The following GPC6 variants were observed in gnomAD, a reference collection of about 807,000 sequenced individuals.
The protein encoded by GPC6 is glypican-6.
In GPC6, 14 loss-of-function variants were observed where a neutral mutation model predicts 55.2. The ratio of observed to expected loss-of-function variants is 0.25; its 90% confidence interval spans 0.17 to 0.40. The LOEUF is 0.40. Among genes scored for constraint, GPC6 ranks in the 10% least tolerant of loss-of-function variants. The pLI, the probability that GPC6 is intolerant of heterozygous loss-of-function variation, is 1.00. For missense variants in GPC6, 641 were observed against 708.5 expected, an observed-to-expected ratio of 0.90 and a Z score of 1.08; for synonymous variants, 278 against 259.6, an observed-to-expected ratio of 1.07 and a Z score of -0.68.
chr13:94,135,509 A>C (rs747051763), intron 4 of GPC6, among the ~76,000 whole-genome samples: 15 of 152,226 alleles, frequency 9.9e-5, no homozygotes, highest in Non-Finnish European at 4.4e-5. Flanking sequence ...GCATTTATTG[A>C]GAGCCAAATG....
At chr13:94,067,246 A>G (rs1423839215) in intron 4 of GPC6, among the ~76,000 whole-genome samples, 1 of 152,190 alleles carries the variant, frequency 6.6e-6, no homozygotes, top group Non-Finnish European at 1.5e-5. Context: ...TGAAGCTTGA[A>G]TAACTTATTC....
chr13:94,189,485 C>T (rs2138959839), intron 4 of GPC6, among the ~76,000 whole-genome samples: 1 of 152,198 alleles, frequency 6.6e-6, no homozygotes. Flanking sequence ...ATAAAGATTG[C>T]AAGATGGACG....
chr13:93,886,762 T>C, intron 3 of GPC6, among the ~76,000 whole-genome samples: 1 of 118,702 alleles, frequency 8.4e-6, no homozygotes, highest in Admixed American at 9.5e-5. Flanking sequence ...TTTTTTTTGT[T>C]TTTTTTTTTT....
intron 4 of GPC6, among the ~76,000 whole-genome samples, chr13:94,087,363 A>T (rs1366947535): frequency 1.3e-5 from 2 of 152,238 alleles, no homozygotes; most frequent in African/African-American, 4.8e-5. Flanking sequence ...CTAAGGTGTA[A>T]AATGAAAGCT....
At chr13:94,089,641 A>G (rs1469479924) in intron 4 of GPC6, among the ~76,000 whole-genome samples, 1 of 152,132 alleles carries the variant, frequency 6.6e-6, no homozygotes, top group Non-Finnish European at 1.5e-5. Context: ...AATGCACACA[A>G]ATGTGAGAAA....
chr13:93,410,828 A>T (rs968049108), intron 1 of GPC6, among the ~76,000 whole-genome samples: 4 of 152,160 alleles, frequency 2.6e-5, no homozygotes, highest in African/African-American at 9.7e-5. Flanking sequence ...GTCTCGCTAG[A>T]GGGACTGTCA....
chr13:93,411,468 A>G (rs1017587757), intron 1 of GPC6, among the ~76,000 whole-genome samples: 2 of 152,172 alleles, frequency 1.3e-5, no homozygotes, highest in Non-Finnish European at 2.9e-5. Context: ...TTGAGAAAGA[A>G]CCACTTAGTG....
chr13:94,269,559 C>G (rs951003236), intron 4 of GPC6, among the ~76,000 whole-genome samples: 1 of 152,172 alleles, frequency 6.6e-6, no homozygotes, highest in Non-Finnish European at 1.5e-5. Flanking sequence ...TCAGCTACCC[C>G]GGTGCACATT....
intron 1 of GPC6, among the ~76,000 whole-genome samples, chr13:93,531,041 G>A (rs1363899989): frequency 6.6e-6 from 1 of 152,026 alleles, no homozygotes; most frequent in African/African-American, 2.4e-5. Flanking sequence ...ATACTGAAAA[G>A]GGAATAAAAA....
At chr13:93,620,567 T>C (rs1878908330) in intron 2 of GPC6, among the ~76,000 whole-genome samples, 1 of 152,238 alleles carries the variant, frequency 6.6e-6, no homozygotes. Context: ...TTCTTATTTA[T>C]ACCGAAGATG....
intron 1 of GPC6, among the ~76,000 whole-genome samples, chr13:93,313,534 T>C (rs986167447): frequency 6.6e-6 from 1 of 152,182 alleles, no homozygotes; most frequent in Non-Finnish European, 1.5e-5. Flanking sequence ...GAATAATTAA[T>C]ATGTCTAGAC....
intron 3 of GPC6, among the ~76,000 whole-genome samples, chr13:94,011,330 T>TA (rs1882238169): frequency 6.6e-6 from 1 of 152,178 alleles, no homozygotes. Flanking sequence ...CTTCTGAAAC[T>TA]AAAAAATTAT....
At chr13:93,258,066 G>A (rs892262666) in intron 1 of GPC6, among the ~76,000 whole-genome samples, 1 of 151,984 alleles carries the variant, frequency 6.6e-6, no homozygotes. Context: ...GTCATTACTC[G>A]GGCTGTTTGC....
At chr13:93,969,191 AGGGATTGATATCAACT>A (rs1402106822) in intron 3 of GPC6, among the ~76,000 whole-genome samples, 1 of 152,220 alleles carries the variant, frequency 6.6e-6, no homozygotes, top group East Asian at 1.9e-4. Flanking sequence ...GTAGTTTAAA[AGGGATTGATATCAACT>A]GTGGTTTGAT....
intron 4 of GPC6, among the ~76,000 whole-genome samples, chr13:94,233,858 A>G (rs910261793): frequency 6.6e-6 from 1 of 152,156 alleles, no homozygotes; most frequent in African/African-American, 2.4e-5. Flanking sequence ...ATATGTACAG[A>G]AAAAAACATA....
Position 93,749,919 on chromosome 13 carries a change from T to TG in GPC6, c.320-80231dup, listed in dbSNP as rs548675808. ...CTGGGCATTTATAAATACCATTTAT[T>TG]GGGGTATTCTAACTTCCTGGACAGC... On this transcript the variant is annotated intron_variant, in intron 2 of 8. Transcript: ENST00000377047. 2.9e-3 allele frequency among the ~76,000 whole-genome samples: 443 copies of TG among 152,284 alleles called. 1 individual carries two copies. The highest frequency in any genetic ancestry group is 0.01 in the African/African-American group (418 of 41,586).
intron 3 of GPC6, among the ~76,000 whole-genome samples, chr13:94,021,077 G>A (rs1042362155): frequency 6.6e-6 from 1 of 151,918 alleles, no homozygotes; most frequent in Non-Finnish European, 1.5e-5. Flanking sequence ...CTGTACATTA[G>A]AAACTGTGGA....
intron 3 of GPC6, among the ~76,000 whole-genome samples, chr13:94,007,023 G>A (rs1882049596): frequency 6.6e-6 from 1 of 152,146 alleles, no homozygotes; most frequent in Non-Finnish European, 1.5e-5. Context: ...TCACTATGCT[G>A]TTTCTCTGCG....
intron 4 of GPC6, among the ~76,000 whole-genome samples, chr13:94,173,873 T>G (rs1433992102): frequency 1.3e-5 from 2 of 152,214 alleles, no homozygotes; most frequent in African/African-American, 4.8e-5. Context: ...AGTTTTCCAA[T>G]TACTGCAGCA....
Sources: allele counts gnomAD v4.1 joint callset (sites outside exome capture counted in the v4.1 genomes callset), GRCh38; gene constraint gnomAD v4.1.1; transcripts MANE v1.5; gene names NCBI Gene and HGNC (gene_info 2026-07-23, HGNC 2026-07-21).